Variants in ENTREP2 observed in about 807,000 individuals in gnomAD.
ENTREP2 encodes the protein endosomal transmembrane epsin interactor 2.
the ENTREP2 span, chr15:29,195,276 G>C: frequency 2.0e-6 from 2 of 985,312 alleles, no homozygotes; most frequent in Non-Finnish European, 2.4e-6. Flanking sequence ...CCATGGAGAT[G>C]AGCCGCATCC....
At chr15:29,190,965 G>A in the ENTREP2 span, among the ~76,000 whole-genome samples, 1 of 152,182 alleles carries the variant, frequency 6.6e-6, no homozygotes, top group Non-Finnish European at 1.5e-5. Context: ...GTGATAGGAA[G>A]GGGCTGTCCT....
chr15:29,291,711 T>C, the ENTREP2 span, among the ~76,000 whole-genome samples: 1 of 152,228 alleles, frequency 6.6e-6, no homozygotes, highest in East Asian at 1.9e-4. Context: ...AGTTTGAATC[T>C]TTTTTCTTTT....
At chr15:29,619,121 G>T in the ENTREP2 span, among the ~76,000 whole-genome samples, 1 of 152,164 alleles carries the variant, frequency 6.6e-6, no homozygotes, top group African/African-American at 2.4e-5. Flanking sequence ...GGCTGGGCGC[G>T]GTGGCTCACG....
the ENTREP2 span, among the ~76,000 whole-genome samples, chr15:29,454,159 A>G: frequency 6.6e-6 from 1 of 152,224 alleles, no homozygotes; most frequent in Non-Finnish European, 1.5e-5. Context: ...CCCAAAAACA[A>G]AAAAGAATTT....
chr15:29,290,211 T>G, the ENTREP2 span, among the ~76,000 whole-genome samples: 1 of 152,146 alleles, frequency 6.6e-6, no homozygotes, highest in Non-Finnish European at 1.5e-5. Context: ...TAGCCTCACC[T>G]CCTACTTTCC....
At chr15:29,418,465 A>C in the ENTREP2 span, among the ~76,000 whole-genome samples, 11 of 152,058 alleles carry the variant, frequency 7.2e-5, no homozygotes, top group Non-Finnish European at 1.5e-5. Context: ...CATGACTTAG[A>C]ATTTGTGTTG....
chr15:29,219,614 AATATATATAT>A, the ENTREP2 span, among the ~76,000 whole-genome samples: 334 of 38,326 alleles, frequency 8.7e-3, 3 homozygotes, highest in African/African-American at 0.013. Context: ...GTGGTGCATA[AATATATATAT>A]ATATATATAT....
At chr15:29,487,869 T>C in the ENTREP2 span, among the ~76,000 whole-genome samples, 1 of 152,200 alleles carries the variant, frequency 6.6e-6, no homozygotes, top group Admixed American at 6.5e-5. Context: ...ATTTTTCTAT[T>C]TTTAGTAGAG....
chr15:29,149,824 C>T, the ENTREP2 span, among the ~76,000 whole-genome samples: 23 of 152,210 alleles, frequency 1.5e-4, no homozygotes. Context: ...GAGAGCAGAG[C>T]CTTGGGCTCC....
At chr15:29,303,838 C>T in the ENTREP2 span, among the ~76,000 whole-genome samples, 30,877 of 152,008 alleles carry the variant, frequency 0.2, 3,291 homozygotes, top group Non-Finnish European at 0.24. Context: ...TTCTTTCTTA[C>T]GGCTGCATAG....
the ENTREP2 span, among the ~76,000 whole-genome samples, chr15:29,546,477 G>A: frequency 6.6e-6 from 1 of 152,168 alleles, no homozygotes; most frequent in Admixed American, 6.5e-5. Context: ...ACAAGTGGCA[G>A]ACTAGAGAAG....
the ENTREP2 span, among the ~76,000 whole-genome samples, chr15:29,551,981 T>C: frequency 6.6e-6 from 1 of 152,214 alleles, no homozygotes; most frequent in African/African-American, 2.4e-5. Flanking sequence ...TGTGACTCCC[T>C]GCTGGAAGAA....
the ENTREP2 span, among the ~76,000 whole-genome samples, chr15:29,651,170 T>G: frequency 9.9e-5 from 15 of 152,214 alleles, no homozygotes; most frequent in Admixed American, 3.3e-4. Flanking sequence ...CATGCACTGG[T>G]AAGTTTTACC....
chr15:29,328,730 G>A, the ENTREP2 span, among the ~76,000 whole-genome samples: 7 of 152,226 alleles, frequency 4.6e-5, no homozygotes, highest in Non-Finnish European at 1.0e-4. Context: ...GTTTCTCACT[G>A]CTGGAGTGGG....
the ENTREP2 span, among the ~76,000 whole-genome samples, chr15:29,424,928 G>C: frequency 6.6e-6 from 1 of 152,168 alleles, no homozygotes. Context: ...TACTGACACA[G>C]TACATTCTAT....
the ENTREP2 span, among the ~76,000 whole-genome samples, chr15:29,542,310 C>T: frequency 1.3e-5 from 2 of 152,036 alleles, no homozygotes; most frequent in African/African-American, 2.4e-5. Flanking sequence ...CCAGCACACC[C>T]GGCTGCTTTA....
chr15:29,268,918 A>T, the ENTREP2 span: 1 of 1,614,026 alleles, frequency 6.2e-7, no homozygotes, highest in Non-Finnish European at 8.5e-7. Flanking sequence ...AAACTTAAGA[A>T]CTTTCATCTT....
At chr15:29,646,602 G>C in the ENTREP2 span, among the ~76,000 whole-genome samples, 3 of 152,126 alleles carry the variant, frequency 2.0e-5, no homozygotes, top group Admixed American at 1.3e-4. Flanking sequence ...TTAAGGACTC[G>C]TGTAATTAGA....
At chr15:29,535,247 T>C in the ENTREP2 span, among the ~76,000 whole-genome samples, 1 of 151,806 alleles carries the variant, frequency 6.6e-6, no homozygotes, top group South Asian at 2.1e-4. Flanking sequence ...CAAGACATCA[T>C]CTCTAAAAAA....
Sources: gnomAD v4.1 joint callset for allele counts (sites outside exome capture counted in the v4.1 genomes callset) on GRCh38, gnomAD v4.1.1 for gene constraint, MANE v1.5 for transcripts, NCBI Gene and HGNC (gene_info 2026-07-23, HGNC 2026-07-21) for gene names.